SLC35F4: variants seen among roughly 807,000 people sequenced by gnomAD.
SLC35F4 encodes chromosome 14 open reading frame 36.
Under a neutral mutation model 44.2 loss-of-function variants are expected in SLC35F4, and 24 were observed. The observed-to-expected ratio is 0.54, with a 90% CI of 0.39 to 0.76. The LOEUF is 0.76. Among genes scored for constraint, SLC35F4 ranks in the 30% least tolerant of loss-of-function variants. The pLI is 0.00. For missense variants in SLC35F4, 562 were observed against 586.1 expected (o/e 0.96, Z 0.42); for synonymous variants, 238 against 223.6 (o/e 1.06, Z -0.57).
In SLC35F4 at chr14:57,789,510, T is replaced by C. The variant is rs188186939; in HGVS notation, c.103+76213A>G. On this transcript the variant is annotated intron_variant, in intron 1 of 7. Transcript: ENST00000556826. ...GAAATTGAGGCAGTAATTAATAGCC[T>C]ACCAACCAAAAAAAGCCCCGGACCA... Among the ~76,000 whole-genome samples the C allele has an allele frequency of 8.9e-4, 136 of 152,224 alleles. 2 individuals are homozygous for C. The highest frequency in any genetic ancestry group is 7.4e-5 in the Non-Finnish European group (5 of 68,010).
At chr14:57,635,258 A>C (rs1424115858) in intron 1 of SLC35F4, among the ~76,000 whole-genome samples, 2 of 151,908 alleles carry the variant, frequency 1.3e-5, no homozygotes, top group Admixed American at 1.3e-4. Context: ...AAAAAAAAAA[A>C]AAAACCCCAA....
intron 1 of SLC35F4, among the ~76,000 whole-genome samples, chr14:57,871,326 A>T (rs1308207961): frequency 6.6e-6 from 1 of 152,242 alleles, no homozygotes; most frequent in African/African-American, 2.4e-5. Flanking sequence ...ACTCTGCAGC[A>T]GGGGAGCCCC....
At chr14:57,840,135 T>A (rs1418524730) in intron 1 of SLC35F4, among the ~76,000 whole-genome samples, 1 of 152,208 alleles carries the variant, frequency 6.6e-6, no homozygotes, top group Non-Finnish European at 1.5e-5. Flanking sequence ...CTTTTAATAT[T>A]CATATTTCCA....
At chr14:57,922,443 T>C (rs140973216) in intron 1 of SLC35F4, among the ~76,000 whole-genome samples, 2 of 152,306 alleles carry the variant, frequency 1.3e-5, no homozygotes, top group African/African-American at 4.8e-5. Flanking sequence ...CTACTACTAA[T>C]TGATGGTGAG....
At chr14:57,955,460 G>T (rs1479374618) in intron 1 of SLC35F4, among the ~76,000 whole-genome samples, 2 of 152,138 alleles carry the variant, frequency 1.3e-5, no homozygotes, top group Non-Finnish European at 2.9e-5. Context: ...GCAAGAGAAA[G>T]AAATAAAGGT....
chr14:57,935,578 T>A (rs71414178), intron 1 of SLC35F4, among the ~76,000 whole-genome samples: 1 of 152,232 alleles, frequency 6.6e-6, no homozygotes, highest in East Asian at 1.9e-4. Flanking sequence ...CCTTCTAATA[T>A]TATTCTTTTT....
intron 1 of SLC35F4, among the ~76,000 whole-genome samples, chr14:57,718,544 G>A (rs899100968): frequency 2.6e-5 from 4 of 152,182 alleles, no homozygotes; most frequent in East Asian, 1.9e-4. Flanking sequence ...CATTTTAACT[G>A]GACTGAGATG....
chr14:57,681,866 T>A (rs2074916028), intron 1 of SLC35F4, among the ~76,000 whole-genome samples: 2 of 151,474 alleles, frequency 1.3e-5, no homozygotes, highest in Admixed American at 1.3e-4. Context: ...AAAGAAGACA[T>A]TTATGTGGCC....
rs142506496 is a variant in SLC35F4, at chr14:57,886,395, A to G, written n.282+95518T>C. On this transcript the variant is annotated intron_variant and non_coding_transcript_variant, in intron 1 of 1. Coordinates refer to the SLC35F4 transcript ENST00000556568. Reference sequence around the variant, plus strand: ...CAAGCTCACTTAGGTTGTTGACAGAATTGATTTCCAGAAATAAAGTGGGCA... The same window carrying G: ...CAAGCTCACTTAGGTTGTTGACAGAGTTGATTTCCAGAAATAAAGTGGGCA... 1.6e-3 allele frequency among the ~76,000 whole-genome samples: 250 copies of G among 152,296 alleles called. 1 individual carries two copies. The highest frequency in any genetic ancestry group is 6.8e-3 in the Middle Eastern group (2 of 294).
intron 1 of SLC35F4, among the ~76,000 whole-genome samples, chr14:57,849,083 T>G (rs1327278348): frequency 6.6e-6 from 1 of 152,208 alleles, no homozygotes; most frequent in East Asian, 1.9e-4. Flanking sequence ...CTTGACCACT[T>G]CAGCCATTCT....
At chr14:57,631,660 T>G (rs912110723) in intron 1 of SLC35F4, among the ~76,000 whole-genome samples, 2 of 152,068 alleles carry the variant, frequency 1.3e-5, no homozygotes, top group Non-Finnish European at 2.9e-5. Context: ...ACCAAGAAAT[T>G]TAAAGTAATT....
intron 1 of SLC35F4, among the ~76,000 whole-genome samples, chr14:57,594,410 G>A (rs2070372821): frequency 6.6e-6 from 1 of 152,080 alleles, no homozygotes; most frequent in African/African-American, 2.4e-5. Context: ...GCTGGCTGAA[G>A]TAGATTTTAA....
intron 1 of SLC35F4, among the ~76,000 whole-genome samples, chr14:57,641,832 T>A (rs1236496539): frequency 1.3e-5 from 2 of 152,018 alleles, no homozygotes; most frequent in East Asian, 3.9e-4. Context: ...AACACTCACC[T>A]GTCTAGATTC....
intron 1 of SLC35F4, among the ~76,000 whole-genome samples, chr14:57,780,188 T>C (rs963460867): frequency 2.6e-5 from 4 of 152,114 alleles, no homozygotes; most frequent in Admixed American, 1.3e-4. Context: ...GAAAACCCCA[T>C]AGTCTTGGCC....
chr14:57,627,876 A>C (rs2072552391), intron 1 of SLC35F4, among the ~76,000 whole-genome samples: 1 of 152,064 alleles, frequency 6.6e-6, no homozygotes, highest in Non-Finnish European at 1.5e-5. Context: ...CCGAGTCAAA[A>C]GGACTGACAA....
intron 1 of SLC35F4, among the ~76,000 whole-genome samples, chr14:57,937,939 T>C (rs1292501903): frequency 6.6e-6 from 1 of 152,182 alleles, no homozygotes; most frequent in East Asian, 1.9e-4. Context: ...ACATTTCTAC[T>C]TCTGATCCTT....
chr14:57,832,658 A>G (rs1884499609), intron 1 of SLC35F4, among the ~76,000 whole-genome samples: 1 of 152,218 alleles, frequency 6.6e-6, no homozygotes, highest in Non-Finnish European at 1.5e-5. Context: ...GAGAATGATA[A>G]CTAAAGTCCT....
At chr14:57,711,406 G>A (rs1461138756) in intron 1 of SLC35F4, among the ~76,000 whole-genome samples, 1 of 151,994 alleles carries the variant, frequency 6.6e-6, no homozygotes, top group Admixed American at 6.6e-5. Flanking sequence ...GATACACATG[G>A]GAACACTACC....
At chr14:57,739,400 T>C (rs2076548742) in intron 1 of SLC35F4, among the ~76,000 whole-genome samples, 1 of 152,228 alleles carries the variant, frequency 6.6e-6, no homozygotes, top group Non-Finnish European at 1.5e-5. Context: ...CTTTGCATGA[T>C]AAGAGTAAAA....
Sources: allele counts gnomAD v4.1 joint callset (sites outside exome capture counted in the v4.1 genomes callset), GRCh38; gene constraint gnomAD v4.1.1; transcripts MANE v1.5; gene names NCBI Gene and HGNC (gene_info 2026-07-23, HGNC 2026-07-21).